The following MED12L variants were observed in gnomAD, a reference collection of about 807,000 sequenced individuals.
MED12L encodes the protein mediator of RNA polymerase II transcription subunit 12-like protein.
Under a neutral mutation model 281.3 loss-of-function variants are expected in MED12L, and 60 were observed. That is an observed-to-expected ratio of 0.21 (90% CI 0.17 to 0.26). MED12L has a LOEUF of 0.26. Among genes scored for constraint, MED12L ranks in the 10% least tolerant of loss-of-function variants. The pLI is 1.00. For missense variants in MED12L, 2,146 were observed against 2,680.9 expected, an observed-to-expected ratio of 0.80 and a Z score of 4.41; for synonymous variants, 974 against 987.2, an observed-to-expected ratio of 0.99 and a Z score of 0.25.
chr3:151,086,897 C>T lies in MED12L; in HGVS notation c.-30C>T. 1 of 1,547,182 alleles carries T rather than the reference C, an allele frequency of 6.5e-7. No individual in the cohort carries two copies. Among genetic ancestry groups the T allele is most frequent in the Non-Finnish European group, 8.8e-7 (1 of 1,142,540 alleles). On this transcript the variant is annotated 5_prime_UTR_variant, in exon 2 of 45. Transcript: ENST00000687756. ...AGGCGGCTGCTCCAGCTCCAACTCT[C>T]ATTCATTTCGCCGGTTAACATGAGA...
At chr3:151,127,751 C>T (rs751098637) in intron 4 of MED12L, 74 bp from the exon 5 acceptor site, 3 of 1,049,924 alleles carry the variant, frequency 2.9e-6, no homozygotes, top group South Asian at 1.7e-5. Flanking sequence ...CTTTTGCTTC[C>T]CCTTTATTTA....
At chr3:151,243,092 G>T (rs1438670415) in intron 16 of MED12L, among the ~76,000 whole-genome samples, 1 of 151,288 alleles carries the variant, frequency 6.6e-6, no homozygotes, top group East Asian at 1.9e-4. Flanking sequence ...AATGAGCAAA[G>T]CCTCCAAGAA....
rs778877179 is a variant in MED12L at position 151,357,322 on chromosome 3, G to A, written c.2771G>A (p.Arg924His). The A allele has an allele frequency of 1.1e-5, 17 of 1,613,740 alleles. No individual in the cohort carries two copies. Among genetic ancestry groups the A allele is most frequent in the South Asian group, 4.4e-5 (4 of 91,064 alleles). The change falls in exon 20 of 45, where the codon CGC (arginine) becomes CAC (histidine). Residue 924 changes from arginine to histidine, a missense_variant. Around this residue, in one of 9 missense-constraint regions of MED12L, gnomAD observed 404 missense variants for 603.5 expected, o/e 0.67. Coordinates refer to ENST00000687756, the MANE Select transcript of MED12L (RefSeq NM_001393769.1). Reference protein sequence around the residue: ...LCVCIVAVLRRYHSCLILNPD... With the variant: ...LCVCIVAVLRHYHSCLILNPD... ...GTCTGCATCGTGGCTGTTCTCAGGC[G>A]CTATCACAGTTGTCTAATCTTGAAT...
intron 16 of MED12L, among the ~76,000 whole-genome samples, chr3:151,333,435 A>G (rs1056489466): frequency 3.3e-5 from 5 of 152,148 alleles, no homozygotes; most frequent in African/African-American, 1.2e-4. Flanking sequence ...AGTAATAGCC[A>G]TTTTAACTGG....
At chr3:151,148,428 C>T (rs760386730) in intron 5 of MED12L, among the ~76,000 whole-genome samples, 1 of 152,190 alleles carries the variant, frequency 6.6e-6, no homozygotes, top group African/African-American at 2.4e-5. Flanking sequence ...TAATAGCTGA[C>T]ATGTACTGAA....
At chr3:151,293,945 C>G (rs1744683867) in intron 16 of MED12L, 1 of 519,168 alleles carries the variant, frequency 1.9e-6, no homozygotes, top group Non-Finnish European at 3.4e-6. Flanking sequence ...CCCTTTCACT[C>G]TGCTCCTCAG....
intron 2 of MED12L, among the ~76,000 whole-genome samples, chr3:151,110,828 G>T (rs1711764872): frequency 6.6e-6 from 1 of 152,158 alleles, no homozygotes. Context: ...GTATGGTAGA[G>T]AATTCTGAAT....
rs191937473 is a variant in MED12L, at chr3:151,388,502, A to G, written c.5451+330A>G. On this transcript the variant is annotated intron_variant, in intron 37 of 44. Coordinates refer to ENST00000687756, the MANE Select transcript of MED12L (RefSeq NM_001393769.1). The stretch of plus-strand genomic sequence containing the variant: ...GAACTATACAATCCCATTCTCTCAC[A>G]TATTTTTAATATGTCTAAAATATTT... Among the ~76,000 whole-genome samples, 253 of 152,306 alleles carry G rather than the reference A, an allele frequency of 1.7e-3. 1 individual carries two copies. The highest frequency in any genetic ancestry group is 2.5e-3 in the Admixed American group (38 of 15,300).
At chr3:151,253,524 T>C (rs540861529) in intron 16 of MED12L, among the ~76,000 whole-genome samples, 5 of 152,320 alleles carry the variant, frequency 3.3e-5, no homozygotes, top group South Asian at 4.1e-4. Context: ...TTTATGTTCT[T>C]ACTGAGAATG....
intron 16 of MED12L, among the ~76,000 whole-genome samples, chr3:151,235,133 T>A (rs1021241505): frequency 2.6e-4 from 40 of 152,258 alleles, no homozygotes; most frequent in African/African-American, 9.1e-4. Context: ...GGTATTTTGG[T>A]CCAGTGGAAC....
chr3:151,365,239 C>T (rs1472974291), intron 22 of MED12L, 33 bp downstream of exon 22: 4 of 1,559,716 alleles, frequency 2.6e-6, no homozygotes, highest in African/African-American at 2.7e-5. Context: ...TCATGATTAA[C>T]CAAAGAGTTG....
chr3:151,090,584 A>C (rs963462325), intron 2 of MED12L, among the ~76,000 whole-genome samples: 1 of 152,186 alleles, frequency 6.6e-6, no homozygotes, highest in African/African-American at 2.4e-5. Context: ...GGGATGAATA[A>C]ATTAAAAAGG....
intron 16 of MED12L, among the ~76,000 whole-genome samples, chr3:151,257,860 C>T (rs1486680281): frequency 6.6e-6 from 1 of 152,158 alleles, no homozygotes; most frequent in African/African-American, 2.4e-5. Flanking sequence ...TTTTTATATT[C>T]CAAGTTCCTC....
intron 16 of MED12L, among the ~76,000 whole-genome samples, chr3:151,318,548 T>A (rs1748588064): frequency 6.6e-6 from 1 of 152,162 alleles, no homozygotes; most frequent in South Asian, 2.1e-4. Flanking sequence ...TGTTAAGTAC[T>A]AAAGGCATCA....
chr3:151,379,217 G>A (rs995852800), intron 31 of MED12L, among the ~76,000 whole-genome samples: 2 of 152,214 alleles, frequency 1.3e-5, no homozygotes, highest in African/African-American at 4.8e-5. Context: ...TTTGCTGATA[G>A]GTGAGTGTAT....
At chr3:151,096,553 C>T (rs1434684715) in intron 2 of MED12L, among the ~76,000 whole-genome samples, 2 of 152,016 alleles carry the variant, frequency 1.3e-5, no homozygotes, top group Non-Finnish European at 2.9e-5. Flanking sequence ...ACAGCGGCCT[C>T]CTTTATTTAT....
intron 44 of MED12L, among the ~76,000 whole-genome samples, chr3:151,431,075 A>C (rs1448989492): frequency 4.6e-5 from 7 of 152,190 alleles, no homozygotes; most frequent in African/African-American, 1.4e-4. Flanking sequence ...ATAGGACGGA[A>C]AATCCTTTTA....
rs1717163171 is a variant in MED12L at position 151,413,315 on chromosome 3, G to A, written c.6297+20G>A. 3 of 1,611,248 alleles carry A rather than the reference G, an allele frequency of 1.9e-6. No individual in the cohort carries two copies. The highest frequency in any genetic ancestry group is 2.5e-6 in the Non-Finnish European group (3 of 1,178,040). On this transcript the variant is annotated intron_variant, in intron 42 of 44. Coordinates refer to ENST00000687756, the MANE Select transcript of MED12L (RefSeq NM_001393769.1). ...CTCCAGGTACGGGGCAGGGAGATGA[G>A]GGCAATGCCATCACCCTTCAGACAG...
chr3:151,280,136 G>T (rs1742581760), intron 16 of MED12L, among the ~76,000 whole-genome samples: 2 of 152,166 alleles, frequency 1.3e-5, no homozygotes, highest in African/African-American at 4.8e-5. Context: ...CCCTACAGGT[G>T]GTCCCCTCGT....
Sources: gnomAD v4.1 joint callset for allele counts (sites outside exome capture counted in the v4.1 genomes callset) on GRCh38, gnomAD v4.1.1 for gene constraint, gnomAD v4.1.1 regional missense constraint, MANE v1.5 for transcripts, NCBI Gene and HGNC (gene_info 2026-07-23, HGNC 2026-07-21) for gene names.